The following LRRC4C variants were observed in gnomAD, a reference collection of about 807,000 sequenced individuals.
LRRC4C encodes the protein leucine rich repeat containing 4C.
A neutral mutation model predicts 33.6 loss-of-function variants in LRRC4C; 5 were observed. The observed-to-expected ratio is 0.15, with a 90% CI of 0.08 to 0.31. LRRC4C has a LOEUF of 0.31. Among genes scored for constraint, LRRC4C ranks in the 10% least tolerant of loss-of-function variants. LRRC4C has a pLI of 1.00. For missense variants in LRRC4C, 560 were observed against 796.7 expected (o/e 0.70, Z 3.58); for synonymous variants, 329 against 302.0 (o/e 1.09, Z -0.93).
chr11:40,684,619 G>T (rs1282265760), intron 2 of LRRC4C, among the ~76,000 whole-genome samples: 1 of 151,188 alleles, frequency 6.6e-6, no homozygotes, highest in African/African-American at 2.4e-5. Flanking sequence ...TCATATTAAG[G>T]AATGCAAAAA....
chr11:40,830,996 C>A (rs1261394160), intron 2 of LRRC4C, among the ~76,000 whole-genome samples: 2 of 152,062 alleles, frequency 1.3e-5, no homozygotes, highest in African/African-American at 4.8e-5. Flanking sequence ...ACAAACAGTA[C>A]TTTTTTCACT....
At chr11:40,544,841 A>C (rs1956854298) in intron 3 of LRRC4C, among the ~76,000 whole-genome samples, 1 of 151,506 alleles carries the variant, frequency 6.6e-6, no homozygotes, top group African/African-American at 2.4e-5. Context: ...ATTGTCCTTT[A>C]TTTCTATAAA....
rs183461076 is a variant in LRRC4C, at chr11:41,136,091, T to A, written c.-495-202368A>T. On this transcript the variant is annotated intron_variant, in intron 1 of 6. Transcript: ENST00000528697. ...AAAACACTTTCAGAGTGCCTGCATA[T>A]GTCAGGCAGTGGTCTAGGAAGTGGA... Among the ~76,000 whole-genome samples the A allele has an allele frequency of 2.6e-4, 40 of 152,278 alleles. No homozygotes were observed. In the East Asian group the frequency reaches 7.4e-3, roughly 28 times the overall value.
chr11:41,169,997 C>A (rs979855363), intron 1 of LRRC4C, among the ~76,000 whole-genome samples: 1 of 151,858 alleles, frequency 6.6e-6, no homozygotes, highest in Non-Finnish European at 1.5e-5. Flanking sequence ...GCCCATTTAC[C>A]TTAAAGGGGT....
At chr11:40,175,724 A>G (rs1860424412) in intron 5 of LRRC4C, among the ~76,000 whole-genome samples, 1 of 152,190 alleles carries the variant, frequency 6.6e-6, no homozygotes, top group Non-Finnish European at 1.5e-5. Flanking sequence ...AGCCTCCAGA[A>G]CACAAGAATT....
intron 5 of LRRC4C, among the ~76,000 whole-genome samples, chr11:40,224,593 C>T (rs1214682649): frequency 1.3e-5 from 2 of 152,144 alleles, no homozygotes; most frequent in Non-Finnish European, 2.9e-5. Flanking sequence ...AGAAAATAGC[C>T]TACTGTTTCT....
At chr11:40,268,665 G>T (rs1189344554) in intron 4 of LRRC4C, among the ~76,000 whole-genome samples, 1 of 151,864 alleles carries the variant, frequency 6.6e-6, no homozygotes, top group Non-Finnish European at 1.5e-5. Context: ...AAAAAAATCA[G>T]CAAAAAAAAT....
At chr11:40,413,166 G>A in intron 3 of LRRC4C, among the ~76,000 whole-genome samples, 1 of 151,958 alleles carries the variant, frequency 6.6e-6, no homozygotes, top group East Asian at 1.9e-4. Flanking sequence ...ATCAGGTAAT[G>A]GTTCATCAAG....
At chr11:40,850,969 C>A (rs1307776974) in intron 2 of LRRC4C, among the ~76,000 whole-genome samples, 1 of 152,080 alleles carries the variant, frequency 6.6e-6, no homozygotes, top group Non-Finnish European at 1.5e-5. Flanking sequence ...TAATGGCAGA[C>A]CCACCTCCCC....
intron 1 of LRRC4C, among the ~76,000 whole-genome samples, chr11:41,255,691 T>A (rs1377065658): frequency 1.3e-5 from 2 of 151,694 alleles, no homozygotes; most frequent in South Asian, 2.1e-4. Context: ...CTGGAAAAAT[T>A]GAGAATAAGG....
chr11:41,284,884 C>A (rs1402824422), intron 1 of LRRC4C, among the ~76,000 whole-genome samples: 3 of 152,160 alleles, frequency 2.0e-5, no homozygotes, highest in Non-Finnish European at 4.4e-5. Context: ...GAAAATAGCA[C>A]AAAAACACAA....
intron 3 of LRRC4C, among the ~76,000 whole-genome samples, chr11:40,503,968 C>T (rs1306503478): frequency 6.6e-6 from 1 of 152,038 alleles, no homozygotes; most frequent in African/African-American, 2.4e-5. Context: ...TAAACCATGG[C>T]GTTTTGAAGA....
chr11:40,260,929 G>T (rs1269579701), intron 4 of LRRC4C, among the ~76,000 whole-genome samples: 1 of 152,082 alleles, frequency 6.6e-6, no homozygotes, highest in Non-Finnish European at 1.5e-5. Flanking sequence ...CACCCAGGCT[G>T]GAGTGCAGCG....
At chr11:40,265,275 CT>C (rs1363664329) in intron 4 of LRRC4C, among the ~76,000 whole-genome samples, 8 of 152,264 alleles carry the variant, frequency 5.3e-5, no homozygotes, top group Non-Finnish European at 1.5e-5. Context: ...TTACTTTGTC[CT>C]TTTGCTTTGC....
rs147721537 is a variant in LRRC4C at position 40,544,227 on chromosome 11, C to T, written c.-270+103915G>A. ...CACACTTATCCAGAAGAAAAGGGAA[C>T]GAGATTTGAGGTCTTTGATAATTGC... On this transcript the variant is annotated intron_variant, in intron 3 of 6. Transcript: ENST00000528697. Among the ~76,000 whole-genome samples the T allele has an allele frequency of 7.6e-4, 115 of 152,146 alleles. 1 individual carries two copies. The highest frequency in any genetic ancestry group is 2.8e-3 in the Admixed American group (42 of 15,248).
intron 2 of LRRC4C, among the ~76,000 whole-genome samples, chr11:40,704,747 T>C (rs908646350): frequency 1.8e-4 from 27 of 152,192 alleles, no homozygotes; most frequent in Non-Finnish European, 2.1e-4. Flanking sequence ...GTGCCTGATA[T>C]GATACATTGT....
At chr11:40,833,651 G>A (rs1284236897) in intron 2 of LRRC4C, among the ~76,000 whole-genome samples, 1 of 151,812 alleles carries the variant, frequency 6.6e-6, no homozygotes, top group East Asian at 1.9e-4. Context: ...GAAAATGTAA[G>A]AATTAGCAAA....
chr11:41,161,916 G>GA (rs1306629195), intron 1 of LRRC4C, among the ~76,000 whole-genome samples: 21 of 152,200 alleles, frequency 1.4e-4, no homozygotes, highest in South Asian at 4.1e-4. Context: ...CATTAATACA[G>GA]AAAAAATATA....
intron 1 of LRRC4C, among the ~76,000 whole-genome samples, chr11:41,217,071 G>C (rs1947094375): frequency 6.6e-6 from 1 of 151,996 alleles, no homozygotes; most frequent in East Asian, 1.9e-4. Context: ...TATTTTTCAG[G>C]CCAAATTTCT....
Sources: allele counts gnomAD v4.1 joint callset (sites outside exome capture counted in the v4.1 genomes callset), GRCh38; gene constraint gnomAD v4.1.1; transcripts MANE v1.5; gene names NCBI Gene and HGNC (gene_info 2026-07-23, HGNC 2026-07-21).